The following ATXN7L1 variants were observed in gnomAD, a reference collection of about 807,000 sequenced individuals.
ATXN7L1 encodes ataxin-7-like protein 1.
Under a neutral mutation model 70.8 loss-of-function variants are expected in ATXN7L1, and 15 were observed. The observed-to-expected ratio is 0.21, with a 90% CI of 0.14 to 0.33. The LOEUF is 0.33. ATXN7L1 is among the 10% of genes least tolerant of loss of function. ATXN7L1 has a pLI of 1.00. For missense variants in ATXN7L1, 975 were observed against 1,097.1 expected, an observed-to-expected ratio of 0.89 and a Z score of 1.57; for synonymous variants, 440 against 445.1, an observed-to-expected ratio of 0.99 and a Z score of 0.14.
At chr7:105,703,424 G>C (rs995331107) in intron 3 of ATXN7L1, among the ~76,000 whole-genome samples, 12 of 152,168 alleles carry the variant, frequency 7.9e-5, no homozygotes, top group African/African-American at 2.9e-4. Context: ...GTCTAGATTG[G>C]GCAACTGGTA....
At chr7:105,678,239 G>T (rs577647825) in intron 3 of ATXN7L1, among the ~76,000 whole-genome samples, 1 of 152,158 alleles carries the variant, frequency 6.6e-6, no homozygotes, top group African/African-American at 2.4e-5. Context: ...GGACAGAAAG[G>T]GGCCTAAAAC....
In ATXN7L1 at chr7:105,863,286, G is replaced by C. The variant is rs150099357; in HGVS notation, c.250+12526C>G. Among the ~76,000 whole-genome samples the C allele has an allele frequency of 7.2e-5, 11 of 152,342 alleles. No homozygotes were observed. In the East Asian group the frequency reaches 1.7e-3, roughly 24 times the overall value. On this transcript the variant is annotated intron_variant, in intron 2 of 11. Transcript: ENST00000419735. ...TGAGGCCAGGACTCTGGCCACAGAG[G>C]CCCCAAAGCTGGGGCCTTGGAATGA...
chr7:105,782,114 G>A lies in ATXN7L1; in HGVS notation c.355+6490C>T, dbSNP rs561684489. On this transcript the variant is annotated intron_variant, in intron 3 of 11. Coordinates refer to ENST00000419735, the MANE Select transcript of ATXN7L1 (RefSeq NM_020725.2). ...CTCCCAAAGTGCTGGGATTACAGAT[G>A]TGAGCCACTGCGCCTGGCCTAGAGC... Among the ~76,000 whole-genome samples, 175 of 152,314 alleles carry A rather than the reference G, an allele frequency of 1.1e-3. 1 individual carries two copies. Among genetic ancestry groups the A allele is most frequent in the Admixed American group, 2.5e-3 (39 of 15,304 alleles).
chr7:105,798,626 C>T (rs1008315243), intron 2 of ATXN7L1, among the ~76,000 whole-genome samples: 1 of 152,252 alleles, frequency 6.6e-6, no homozygotes, highest in African/African-American at 2.4e-5. Context: ...ATCTTCCCCA[C>T]CCTATCATTC....
chr7:105,738,205 G>A (rs892504544), intron 3 of ATXN7L1, among the ~76,000 whole-genome samples: 1 of 152,196 alleles, frequency 6.6e-6, no homozygotes, highest in Middle Eastern at 3.2e-3. Context: ...TGGCCTTGAA[G>A]GATTTCCACC....
intron 2 of ATXN7L1, among the ~76,000 whole-genome samples, chr7:105,807,640 G>T (rs1355639227): frequency 6.6e-6 from 1 of 152,212 alleles, no homozygotes; most frequent in Non-Finnish European, 1.5e-5. Context: ...TTATGCACTG[G>T]GTTTGTGTGC....
At chr7:105,609,140 G>A (rs935272348) in intron 11 of ATXN7L1, among the ~76,000 whole-genome samples, 1 of 151,940 alleles carries the variant, frequency 6.6e-6, no homozygotes, top group Non-Finnish European at 1.5e-5. Flanking sequence ...AGAGAGTGCT[G>A]ATGGACAGAC....
At chr7:105,806,142 T>G (rs528831805) in intron 2 of ATXN7L1, among the ~76,000 whole-genome samples, 126 of 152,216 alleles carry the variant, frequency 8.3e-4, no homozygotes, top group African/African-American at 3.0e-3. Context: ...CAGATGGGAA[T>G]GCAGGTTACA....
chr7:105,775,530 C>T (rs557922996), intron 3 of ATXN7L1, among the ~76,000 whole-genome samples: 36 of 152,182 alleles, frequency 2.4e-4, no homozygotes, highest in African/African-American at 7.7e-4. Context: ...ACTCCGAGGG[C>T]CTCCCTAAAG....
intron 3 of ATXN7L1, among the ~76,000 whole-genome samples, chr7:105,668,422 G>T (rs1053302243): frequency 2.0e-5 from 3 of 152,074 alleles, no homozygotes; most frequent in African/African-American, 7.2e-5. Flanking sequence ...TTTTGAGACA[G>T]AGTCTTGCTC....
At chr7:105,609,617 G>A (rs1302448476) in intron 11 of ATXN7L1, among the ~76,000 whole-genome samples, 1 of 151,358 alleles carries the variant, frequency 6.6e-6, no homozygotes, top group African/African-American at 2.4e-5. Context: ...GGCATCTGCT[G>A]CCATGCCTGG....
chr7:105,857,055 C>T (rs1815844257), intron 2 of ATXN7L1, among the ~76,000 whole-genome samples: 1 of 152,188 alleles, frequency 6.6e-6, no homozygotes, highest in Non-Finnish European at 1.5e-5. Flanking sequence ...CTAAAAGCAA[C>T]CTCTTGAGGA....
At chr7:105,688,076 A>G (rs1035953384) in intron 3 of ATXN7L1, among the ~76,000 whole-genome samples, 4 of 152,198 alleles carry the variant, frequency 2.6e-5, no homozygotes, top group African/African-American at 4.8e-5. Flanking sequence ...AATGCTGAAC[A>G]ACTGATTTAT....
rs73408858 is a variant in ATXN7L1, at chr7:105,663,548, A to T, written c.578+1518T>A. On this transcript the variant is annotated intron_variant, in intron 4 of 11. Coordinates refer to ENST00000419735, the MANE Select transcript of ATXN7L1 (RefSeq NM_020725.2). The stretch of plus-strand genomic sequence containing the variant: ...AATACATAAATTAGATGGACTCCAC[A>T]CTTATCCCTTCTCTGTCTTCTCAAG... Among the ~76,000 whole-genome samples the T allele has an allele frequency of 5.2e-3, 794 of 152,248 alleles. 7 individuals are homozygous for T. Among genetic ancestry groups the T allele is most frequent in the African/African-American group, 0.018 (729 of 41,532 alleles).
chr7:105,737,358 C>T lies in ATXN7L1; in HGVS notation c.355+51246G>A, dbSNP rs566390639. Reference sequence around the variant, plus strand: ...GATCACTGATCATGTGCAGAGCACACGGTCCTAACTGCTTTACTTGTACTA... The same window carrying T: ...GATCACTGATCATGTGCAGAGCACATGGTCCTAACTGCTTTACTTGTACTA... On this transcript the variant is annotated intron_variant, in intron 3 of 11. Coordinates refer to ENST00000419735, the MANE Select transcript of ATXN7L1 (RefSeq NM_020725.2). 1.1e-4 allele frequency among the ~76,000 whole-genome samples: 16 copies of T among 152,366 alleles called. No individual in the cohort carries two copies. In the South Asian group the frequency reaches 2.7e-3, roughly 26 times the overall value.
chr7:105,641,214 C>CTCTTTTTT lies in ATXN7L1; in HGVS notation c.862+1623_862+1624insAAAAAAGA, dbSNP rs1316374331. 5.5e-4 allele frequency among the ~76,000 whole-genome samples: 12 copies of CTCTTTTTT among 21,772 alleles called. 1 individual carries two copies. Among genetic ancestry groups the CTCTTTTTT allele is most frequent in the Admixed American group, 7.4e-4 (1 of 1,344 alleles). The allele number at this position is 21,772 out of a possible 152,430, so 14.3% of individuals were successfully genotyped here. A position where few individuals can be genotyped will look rare whatever the true frequency, so the allele number is the denominator to read the frequency against. On this transcript the variant is annotated intron_variant, in intron 5 of 11. Transcript: ENST00000419735. ...GCCTTTTCTCTCTCTCTCTCTCTCT[C>CTCTTTTTT]TTTTTTTTTTTTTTTTTTTTTTTTT...
chr7:105,633,707 G>A (rs900865739), intron 7 of ATXN7L1, among the ~76,000 whole-genome samples: 1 of 152,130 alleles, frequency 6.6e-6, no homozygotes, highest in Non-Finnish European at 1.5e-5. Flanking sequence ...GTGACAGGGG[G>A]GAGACTCTGT....
intron 3 of ATXN7L1, among the ~76,000 whole-genome samples, chr7:105,738,423 C>T (rs948336579): frequency 1.3e-5 from 2 of 152,214 alleles, no homozygotes; most frequent in Admixed American, 6.5e-5. Flanking sequence ...GCACAAATGT[C>T]ATGATACTGC....
chr7:105,613,566 C>T, intron 10 of ATXN7L1: 1 of 1,312,786 alleles, frequency 7.6e-7, no homozygotes, highest in Non-Finnish European at 9.8e-7. Context: ...CTCTCTGTGC[C>T]TCAGTTTACT....
Sources: allele counts gnomAD v4.1 joint callset (sites outside exome capture counted in the v4.1 genomes callset), GRCh38; gene constraint gnomAD v4.1.1; transcripts MANE v1.5; gene names NCBI Gene and HGNC (gene_info 2026-07-23, HGNC 2026-07-21).